The following ABTB3 variants were observed in gnomAD, a reference collection of about 807,000 sequenced individuals.
ABTB3 encodes the protein ankyrin repeat- and BTB/POZ domain-containing protein 3.
At chr12:107,342,193 T>A in the ABTB3 span, among the ~76,000 whole-genome samples, 1 of 152,070 alleles carries the variant, frequency 6.6e-6, no homozygotes, top group Non-Finnish European at 1.5e-5. Context: ...GAGTTTCCGT[T>A]GGGTCCAGGG....
chr12:107,337,302 G>A, the ABTB3 span, among the ~76,000 whole-genome samples: 2 of 152,238 alleles, frequency 1.3e-5, no homozygotes, highest in African/African-American at 4.8e-5. Flanking sequence ...GGCGATAGAA[G>A]TCCTGTTTTA....
the ABTB3 span, among the ~76,000 whole-genome samples, chr12:107,407,086 G>A: frequency 9.6e-4 from 146 of 152,318 alleles, 1 homozygote; most frequent in East Asian, 8.7e-3. Context: ...GATTCAGTGA[G>A]TTAATACACA....
chr12:107,581,926 G>A, the ABTB3 span, among the ~76,000 whole-genome samples: 14 of 152,140 alleles, frequency 9.2e-5, no homozygotes, highest in Non-Finnish European at 1.3e-4. Context: ...GTGTGCGTGC[G>A]CGTGCACGCA....
the ABTB3 span, among the ~76,000 whole-genome samples, chr12:107,410,266 G>A: frequency 6.6e-6 from 1 of 151,778 alleles, no homozygotes; most frequent in South Asian, 2.1e-4. Flanking sequence ...CTAAGGAACG[G>A]GGGCAGAGTG....
the ABTB3 span, among the ~76,000 whole-genome samples, chr12:107,491,839 A>AAC: frequency 3.3e-3 from 508 of 151,948 alleles, 8 homozygotes; most frequent in Middle Eastern, 0.017. Flanking sequence ...AAAAAAAAAA[A>AAC]AAACCCGGTT....
chr12:107,481,552 CA>C, the ABTB3 span, among the ~76,000 whole-genome samples: 1 of 152,246 alleles, frequency 6.6e-6, no homozygotes, highest in South Asian at 2.1e-4. Flanking sequence ...AGCTCACCCC[CA>C]TATTTAGAGA....
the ABTB3 span, among the ~76,000 whole-genome samples, chr12:107,458,504 G>A: frequency 6.6e-6 from 1 of 152,174 alleles, no homozygotes; most frequent in Non-Finnish European, 1.5e-5. Flanking sequence ...AAGTCTTCAA[G>A]GTGGAGACTT....
the ABTB3 span, among the ~76,000 whole-genome samples, chr12:107,335,910 C>A: frequency 1.3e-5 from 2 of 152,118 alleles, no homozygotes; most frequent in African/African-American, 4.8e-5. Flanking sequence ...ACTGAACTGG[C>A]AGAATTCAGG....
the ABTB3 span, among the ~76,000 whole-genome samples, chr12:107,501,024 C>G: frequency 1.3e-5 from 2 of 152,268 alleles, no homozygotes; most frequent in African/African-American, 4.8e-5. Flanking sequence ...GCTCTGTGAC[C>G]TTGGGAAAGT....
At chr12:107,455,649 G>A in the ABTB3 span, among the ~76,000 whole-genome samples, 1 of 152,116 alleles carries the variant, frequency 6.6e-6, no homozygotes, top group Non-Finnish European at 1.5e-5. Flanking sequence ...CAAGTCCAGG[G>A]GATAGCTCTA....
chr12:107,485,006 A>C, the ABTB3 span, among the ~76,000 whole-genome samples: 1 of 152,136 alleles, frequency 6.6e-6, no homozygotes, highest in African/African-American at 2.4e-5. Flanking sequence ...ATGTCCACTG[A>C]GATGGAGAGA....
the ABTB3 span, among the ~76,000 whole-genome samples, chr12:107,541,715 C>T: frequency 2.6e-5 from 4 of 152,162 alleles, no homozygotes; most frequent in East Asian, 7.7e-4. Flanking sequence ...TTAATCACAT[C>T]TAAAAAATAC....
chr12:107,579,915 A>G, the ABTB3 span, among the ~76,000 whole-genome samples: 1 of 152,204 alleles, frequency 6.6e-6, no homozygotes, highest in East Asian at 1.9e-4. Context: ...TCAGAATCCC[A>G]GGGGCTGCCT....
the ABTB3 span, among the ~76,000 whole-genome samples, chr12:107,537,168 TA>T: frequency 0.16 from 23,602 of 148,606 alleles, 2,192 homozygotes; most frequent in Admixed American, 0.25. Flanking sequence ...TATGGAATCT[TA>T]AAAAAAAAAA....
the ABTB3 span, among the ~76,000 whole-genome samples, chr12:107,625,497 G>A: frequency 2.0e-5 from 3 of 152,114 alleles, no homozygotes; most frequent in African/African-American, 7.2e-5. Flanking sequence ...TTACTGTCAG[G>A]TGTATGTAGA....
the ABTB3 span, among the ~76,000 whole-genome samples, chr12:107,331,298 G>A: frequency 1.3e-5 from 2 of 152,206 alleles, no homozygotes; most frequent in African/African-American, 4.8e-5. Context: ...CAAAGCCACA[G>A]GTGCTTCCCG....
At chr12:107,425,362 G>A in the ABTB3 span, among the ~76,000 whole-genome samples, 3 of 152,186 alleles carry the variant, frequency 2.0e-5, no homozygotes, top group African/African-American at 4.8e-5. Flanking sequence ...ATTAAGCAAC[G>A]ACTTAATTGG....
At chr12:107,468,595 T>A in the ABTB3 span, among the ~76,000 whole-genome samples, 1 of 152,088 alleles carries the variant, frequency 6.6e-6, no homozygotes, top group Admixed American at 6.6e-5. Flanking sequence ...GGGCTGCGGA[T>A]TGTGAGCTGA....
At chr12:107,590,434 A>G in the ABTB3 span, among the ~76,000 whole-genome samples, 1 of 152,208 alleles carries the variant, frequency 6.6e-6, no homozygotes, top group Non-Finnish European at 1.5e-5. Context: ...GTGCAGAGTC[A>G]TAGAAGAGCC....
Sources: gnomAD v4.1 joint callset for allele counts (sites outside exome capture counted in the v4.1 genomes callset) on GRCh38, gnomAD v4.1.1 for gene constraint, MANE v1.5 for transcripts, NCBI Gene and HGNC (gene_info 2026-07-23, HGNC 2026-07-21) for gene names.